SPACA7: variants seen among roughly 807,000 people sequenced by gnomAD.
SPACA7 encodes the protein sperm acrosome associated 7.
A neutral mutation model predicts 26.3 loss-of-function variants in SPACA7; 19 were observed. The ratio of observed to expected loss-of-function variants is 0.72; its 90% CI spans 0.50 to 1.06. SPACA7 has a LOEUF of 1.06. Among genes scored for constraint, SPACA7 ranks in the 50% least tolerant of loss-of-function variants. The pLI is 0.00. For missense variants in SPACA7, 211 were observed against 229.9 expected (o/e 0.92, Z 0.53); for synonymous variants, 84 against 84.5 (o/e 0.99, Z 0.04).
chr13:112,428,813 A>G (rs1376348953), intron 5 of SPACA7, among the ~76,000 whole-genome samples: 1 of 152,170 alleles, frequency 6.6e-6, no homozygotes, highest in East Asian at 1.9e-4. Flanking sequence ...AAGTATGTGT[A>G]TTATACTGTT....
rs192745374 is a variant in SPACA7, at chr13:112,383,002, G to C, written c.94+6523G>C. Among the ~76,000 whole-genome samples, 649 of 145,390 alleles carry C rather than the reference G, an allele frequency of 4.5e-3. 11 individuals carry two copies. The highest frequency in any genetic ancestry group is 0.037 in the South Asian group (169 of 4,544). The stretch of plus-strand genomic sequence containing the variant: ...GAAACTCCGTCTAAAAAGAGAGAGA[G>C]AGAAAGACAGAAGGAAAGAAAGAAA... On this transcript the variant is annotated intron_variant, in intron 1 of 6. Coordinates refer to ENST00000283550, the MANE Select transcript of SPACA7 (RefSeq NM_145248.5).
At chr13:112,387,658 G>T (rs182105909) in intron 1 of SPACA7, among the ~76,000 whole-genome samples, 157 of 152,232 alleles carry the variant, frequency 1.0e-3, no homozygotes, top group Non-Finnish European at 1.9e-3. Flanking sequence ...CCCTTTCTAT[G>T]CAGATTTCAG....
rs547684166 is a variant in SPACA7, at chr13:112,379,480, G to A, written c.94+3001G>A. Reference sequence around the variant, plus strand: ...TTGACAAGGAAATTTGGTTGTTTCTGTGACATACAACATTACAAGACAATA... The same window carrying A: ...TTGACAAGGAAATTTGGTTGTTTCTATGACATACAACATTACAAGACAATA... On this transcript the variant is annotated intron_variant, in intron 1 of 6. Coordinates refer to ENST00000283550, the MANE Select transcript of SPACA7 (RefSeq NM_145248.5). Among the ~76,000 whole-genome samples, 7 of 152,294 alleles carry A rather than the reference G, an allele frequency of 4.6e-5. No individual in the cohort carries two copies. In the East Asian group the frequency reaches 1.3e-3, roughly 29 times the overall value.
chr13:112,433,749 C>T (rs1290587666), intron 6 of SPACA7, among the ~76,000 whole-genome samples: 2 of 152,166 alleles, frequency 1.3e-5, no homozygotes, highest in Non-Finnish European at 2.9e-5. Context: ...CCACAAAACC[C>T]CAGGCCACAA....
Position 112,399,189 on chromosome 13 carries a change from T to C in SPACA7, c.349+16T>C. On this transcript the variant is annotated intron_variant, in intron 4 of 6. Transcript: ENST00000283550. The stretch of plus-strand genomic sequence containing the variant: ...TCCAATGATGGTAAATGCAACCCAG[T>C]AATTACCCCTTCCCAAGTCCAGCTG... 1 of 1,311,398 alleles carries C rather than the reference T, an allele frequency of 7.6e-7. No individual in the cohort carries two copies. The allele number at this position is 1,311,398 out of a possible 1,614,324, so 81.2% of individuals were successfully genotyped here.
At position 112,397,920 on chromosome 13, in the gene SPACA7, T is replaced by C. The variant is rs1885382503; in HGVS notation, c.152-129T>C. 7.3e-6 allele frequency: 4 copies of C among 549,312 alleles called. 1 individual carries two copies. Among genetic ancestry groups the C allele is most frequent in the Non-Finnish European group, 1.3e-5 (4 of 311,782 alleles). 34.0% of individuals were successfully genotyped at this position (549,312 alleles called of 1,614,324 possible). On this transcript the variant is annotated intron_variant, in intron 2 of 6. Transcript: ENST00000283550. ...AAGTCAAGTCCCACATCCCCTGGGTTCCCGGAGTTCCTGTTTGTACAGGAA... is the reference window on the plus strand; with the variant it reads ...AAGTCAAGTCCCACATCCCCTGGGTCCCCGGAGTTCCTGTTTGTACAGGAA...
Position 112,380,535 on chromosome 13 carries a change from A to G in SPACA7, c.94+4056A>G, listed in dbSNP as rs1883988114. On this transcript the variant is annotated intron_variant, in intron 1 of 6. Transcript: ENST00000283550. ...TACTAAAGCTCATCTATAAAATCTT[A>G]TAATAAAATTCATTTACTGCTAGTG... 2.0e-5 allele frequency among the ~76,000 whole-genome samples: 3 copies of G among 152,058 alleles called. No individual in the cohort carries two copies. The South Asian group carries it at 6.3e-4, about 32-fold the overall frequency.
intron 5 of SPACA7, among the ~76,000 whole-genome samples, chr13:112,429,898 C>T (rs886417225): frequency 6.6e-6 from 1 of 152,108 alleles, no homozygotes; most frequent in African/African-American, 2.4e-5. Flanking sequence ...TGCTTTTATG[C>T]TATATTAAAT....
At chr13:112,422,524 A>T (rs1380799840) in intron 5 of SPACA7, among the ~76,000 whole-genome samples, 1 of 152,242 alleles carries the variant, frequency 6.6e-6, no homozygotes, top group Non-Finnish European at 1.5e-5. Flanking sequence ...ATTCACCAAC[A>T]TCCACCATCT....
At chr13:112,428,635 T>C (rs1310760468) in intron 5 of SPACA7, among the ~76,000 whole-genome samples, 14 of 152,158 alleles carry the variant, frequency 9.2e-5, no homozygotes, top group Admixed American at 7.9e-4. Flanking sequence ...TAGTTTCAGA[T>C]ATTTGGAGGT....
intron 1 of SPACA7, among the ~76,000 whole-genome samples, chr13:112,381,500 A>C (rs927766062): frequency 6.6e-6 from 1 of 151,942 alleles, no homozygotes. Flanking sequence ...CCCCCAAAAA[A>C]AAAAAAAAAA....
At chr13:112,425,826 C>A (rs1372130633) in intron 5 of SPACA7, among the ~76,000 whole-genome samples, 1 of 152,174 alleles carries the variant, frequency 6.6e-6, no homozygotes, top group African/African-American at 2.4e-5. Flanking sequence ...TGCCTCCCCA[C>A]CCTCCATGGC....
chr13:112,421,849 T>C (rs1876014374), intron 5 of SPACA7, among the ~76,000 whole-genome samples: 1 of 152,078 alleles, frequency 6.6e-6, no homozygotes, highest in Non-Finnish European at 1.5e-5. Flanking sequence ...TTTAGCAAAC[T>C]AACACTGGAA....
chr13:112,409,253 A>T (rs1010095649), intron 5 of SPACA7, among the ~76,000 whole-genome samples: 31 of 152,240 alleles, frequency 2.0e-4, no homozygotes, highest in African/African-American at 6.8e-4. Context: ...ACCTAAAATC[A>T]TAAAAACCCT....
intron 1 of SPACA7, among the ~76,000 whole-genome samples, chr13:112,383,026 A>AAGAGAGAGAGAGAGAGAG (rs1555324355): frequency 1.1e-5 from 1 of 95,220 alleles, no homozygotes; most frequent in Non-Finnish European, 2.5e-5. Context: ...GAAAGAAAGA[A>AAGAGAGAGAGAGAGAGAG]AGAGAGAGAG....
At chr13:112,425,033 T>G (rs183044707) in intron 5 of SPACA7, among the ~76,000 whole-genome samples, 9 of 152,316 alleles carry the variant, frequency 5.9e-5, no homozygotes, top group Admixed American at 1.3e-4. Context: ...CTGGAGAAGA[T>G]GCTTCTGTGA....
intron 2 of SPACA7, among the ~76,000 whole-genome samples, chr13:112,397,181 C>G (rs1885327518): frequency 6.6e-6 from 1 of 152,220 alleles, no homozygotes; most frequent in Non-Finnish European, 1.5e-5. Context: ...AGCCTCTTCC[C>G]CTTTACCCTC....
At chr13:112,412,069 A>C (rs935868516) in intron 5 of SPACA7, among the ~76,000 whole-genome samples, 1 of 152,104 alleles carries the variant, frequency 6.6e-6, no homozygotes, top group Non-Finnish European at 1.5e-5. Flanking sequence ...ACTCCCACCA[A>C]CAATGTACAA....
chr13:112,408,678 C>T (rs1173319463), intron 5 of SPACA7, among the ~76,000 whole-genome samples: 1 of 152,098 alleles, frequency 6.6e-6, no homozygotes, highest in Non-Finnish European at 1.5e-5. Flanking sequence ...TGAAGGACCT[C>T]TTCAAGGAGA....
Sources: gnomAD v4.1 joint callset for allele counts (sites outside exome capture counted in the v4.1 genomes callset) on GRCh38, gnomAD v4.1.1 for gene constraint, MANE v1.5 for transcripts, NCBI Gene and HGNC (gene_info 2026-07-23, HGNC 2026-07-21) for gene names.